The following NCKAP5L variants were observed in gnomAD, a reference collection of about 807,000 sequenced individuals.
The protein encoded by NCKAP5L is NCK associated protein 5 like, also known as nck-associated protein 5-like.
NCKAP5L carries 54 observed loss-of-function variants against 103.2 expected under a neutral mutation model. That is an observed-to-expected ratio of 0.52 (90% CI 0.42 to 0.66). The LOEUF is 0.66. Among genes scored for constraint, NCKAP5L ranks in the 30% least tolerant of loss-of-function variants. The pLI, the probability that NCKAP5L is intolerant of heterozygous loss-of-function variation, is 0.00. For synonymous variants in NCKAP5L, 762 were observed against 748.6 expected, an observed-to-expected ratio of 1.02 and a Z score of -0.29; for missense variants, 1,733 against 1,750.6, an observed-to-expected ratio of 0.99 and a Z score of 0.18.
intron 2 of NCKAP5L, chr12:49,804,946 G>A (rs1286743823): frequency 1.3e-5 from 2 of 152,284 alleles, no homozygotes; most frequent in Non-Finnish European, 2.9e-5. Flanking sequence ...TGGGCCTCAG[G>A]CTCCTCCTGG....
chr12:49,822,778 C>T (rs1041166237), intron 1 of NCKAP5L, among the ~76,000 whole-genome samples: 7 of 151,960 alleles, frequency 4.6e-5, no homozygotes, highest in Non-Finnish European at 1.0e-4. Flanking sequence ...GAACTCCTGA[C>T]CTCAAGTGAT....
intron 9 of NCKAP5L, 36 bp from the exon 10 acceptor site, chr12:49,793,469 T>TC (rs1183507659): frequency 1.9e-6 from 3 of 1,593,238 alleles, no homozygotes; most frequent in Non-Finnish European, 1.7e-6. Context: ...AGTCCACTCC[T>TC]CCCCCCTCCA....
At chr12:49,806,971 T>C (rs1023497866) in intron 1 of NCKAP5L, among the ~76,000 whole-genome samples, 4 of 152,070 alleles carry the variant, frequency 2.6e-5, no homozygotes, top group African/African-American at 7.2e-5. Flanking sequence ...AGCTATGGGG[T>C]TGTTGTGGAG....
chr12:49,793,726 G>T lies in NCKAP5L; in HGVS notation c.3258+8C>A, dbSNP rs774048137. ...GCCGTCCACCCAGTCCCTACCCCAA[G>T]AACTTACCTTTCCAGGAGGTTTTCC... On this transcript the variant is annotated splice_region_variant and intron_variant, in intron 9 of 12. Coordinates refer to ENST00000335999, the MANE Select transcript of NCKAP5L (RefSeq NM_001037806.4). 5 of 1,545,892 alleles carry T rather than the reference G, an allele frequency of 3.2e-6. No homozygotes were observed. The highest frequency in any genetic ancestry group is 4.4e-6 in the Non-Finnish European group (5 of 1,145,874).
At chr12:49,809,391 T>C (rs747467923) in intron 1 of NCKAP5L, among the ~76,000 whole-genome samples, 3 of 152,102 alleles carry the variant, frequency 2.0e-5, no homozygotes, top group Non-Finnish European at 4.4e-5. Context: ...CCCCGGCCCT[T>C]AGCCAAGGCC....
chr12:49,809,832 C>G (rs1252888378), intron 1 of NCKAP5L, among the ~76,000 whole-genome samples: 1 of 152,118 alleles, frequency 6.6e-6, no homozygotes, highest in Non-Finnish European at 1.5e-5. Flanking sequence ...GTCTCCTCCC[C>G]ATTCAGGGTA....
chr12:49,824,909 G>T (rs1314577314), intron 1 of NCKAP5L, among the ~76,000 whole-genome samples: 1 of 152,224 alleles, frequency 6.6e-6, no homozygotes, highest in African/African-American at 2.4e-5. Flanking sequence ...GGAGGGTCCT[G>T]CGATAACACT....
At chr12:49,803,293 G>A (rs1592753186) in intron 3 of NCKAP5L, 128 bp from the exon 4 acceptor site, 1 of 851,058 alleles carries the variant, frequency 1.2e-6, no homozygotes, top group East Asian at 2.6e-5. Flanking sequence ...TCCAGCTCTT[G>A]GCTGTGAGCA....
chr12:49,801,529 A>G (rs1946117656), intron 6 of NCKAP5L, among the ~76,000 whole-genome samples: 1 of 152,178 alleles, frequency 6.6e-6, no homozygotes, highest in Non-Finnish European at 1.5e-5. Flanking sequence ...GGCCAAGAAG[A>G]GGCTGTGTCA....
chr12:49,802,908 T>C (rs1946135797), intron 5 of NCKAP5L, 50 bp downstream of exon 5: 1 of 1,574,034 alleles, frequency 6.4e-7, no homozygotes, highest in African/African-American at 1.4e-5. Flanking sequence ...CCAGGAAGGG[T>C]CTCATCTGCT....
intron 1 of NCKAP5L, among the ~76,000 whole-genome samples, chr12:49,809,784 T>C (rs908532737): frequency 1.3e-5 from 2 of 152,112 alleles, no homozygotes; most frequent in African/African-American, 4.8e-5. Context: ...ACTTAATCCC[T>C]GACCCAAAGC....
At position 49,793,400 on chromosome 12, in the gene NCKAP5L, G is replaced by C. The variant is rs189737256; in HGVS notation, c.3292C>G (p.Pro1098Ala). Residue 1098 changes from proline (P) to alanine (A), a missense_variant, in exon 10 of 13, where the codon CCC becomes GCC. Coordinates refer to ENST00000335999, the MANE Select transcript of NCKAP5L (RefSeq NM_001037806.4). ...GGCTCGGCCAGGCTGTCCTCCGAGG[G>C]CATCTCTTCCCGCCTCCCTGGCTCG... Reference protein sequence around the residue: ...SSEPGRREEMPSEDSLAEPVP... With the variant: ...SSEPGRREEMASEDSLAEPVP... 51 of 1,609,014 alleles carry C rather than the reference G, an allele frequency of 3.2e-5. No individual in the cohort carries two copies. In the Middle Eastern group the frequency reaches 6.6e-4, roughly 21 times the overall value.
rs183140845 is a variant in NCKAP5L, at chr12:49,812,705, T to C, written c.-98-6664A>G. ...TCCATTCCTTTGTATGGGTGAACAGTGCTCCACTGTATGGGCCAGCCACAG... is the reference window on the plus strand; with the variant it reads ...TCCATTCCTTTGTATGGGTGAACAGCGCTCCACTGTATGGGCCAGCCACAG... On this transcript the variant is annotated intron_variant, in intron 1 of 12. Coordinates refer to ENST00000335999, the MANE Select transcript of NCKAP5L (RefSeq NM_001037806.4). Among the ~76,000 whole-genome samples the C allele has an allele frequency of 2.7e-3, 416 of 152,338 alleles. 2 individuals are homozygous for C. The highest frequency in any genetic ancestry group is 9.5e-3 in the African/African-American group (393 of 41,580).
In NCKAP5L at chr12:49,797,150, G is replaced by A; in HGVS notation, c.710C>T (p.Pro237Leu). Residue 237 changes from proline to leucine, a missense_variant, in exon 8 of 13, where the codon CCC (proline) becomes CTC (leucine). Pro to Leu is a moderately conservative substitution (Grantham distance 98). Transcript: ENST00000335999. The surrounding 1 kb of genome is among the most constrained non-coding windows in gnomAD (Gnocchi z 4.5). ...CAGCAGGCAGGGCGCCCAGGGTGAG[G>A]GTTCAGGCTGAGGCGGGCCACACAG... The part of the protein sequence containing the change: ...GELCGPPQPE[P>L]SPWAPCLLLG... The A allele has an allele frequency of 6.2e-7, 1 of 1,609,388 alleles. No individual in the cohort carries two copies. Among genetic ancestry groups the A allele is most frequent in the East Asian group, 2.2e-5 (1 of 44,762 alleles).
rs781443433 is a variant in NCKAP5L, at chr12:49,797,286, C to G, written c.574G>C (p.Glu192Gln). 2 of 1,613,538 alleles carry G rather than the reference C, an allele frequency of 1.2e-6. No individual in the cohort carries two copies. The highest frequency in any genetic ancestry group is 1.1e-5 in the South Asian group (1 of 91,070). Residue 192 changes from glutamate to glutamine, a missense_variant, in exon 8 of 13, where the codon GAG becomes CAG. Glu to Gln is a conservative substitution (Grantham distance 29). Transcript: ENST00000335999. This position sits in a 1 kb window ranked among gnomAD's most constrained non-coding sequence, Gnocchi z 4.5. ...GTCTCTTCCAGGGCTCTCAGCACCT[C>G]CAGAATCTGGGCCTTCTTCCGAAGG... Reference protein sequence around the residue: ...PFLRKKAQILEVLRALEETDP... With the variant: ...PFLRKKAQILQVLRALEETDP...
Position 49,794,784 on chromosome 12 carries a change from TGAA to T in NCKAP5L, c.3073_3075del (p.Phe1025del). The stretch of plus-strand genomic sequence containing the variant: ...CCTCACCTGTTTAGCAGCTGCTGCA[TGAA>T]GGTGTCTGCACCTTGGTACATGCCA... On this transcript the variant is annotated inframe_deletion, in exon 8 of 13. Transcript: ENST00000335999. 1.3e-6 allele frequency: 2 copies of T among 1,534,368 alleles called. No individual in the cohort carries two copies. Among genetic ancestry groups the T allele is most frequent in the Non-Finnish European group, 1.8e-6 (2 of 1,139,530 alleles).
At chr12:49,824,514 C>A (rs565049225) in intron 1 of NCKAP5L, among the ~76,000 whole-genome samples, 2 of 152,240 alleles carry the variant, frequency 1.3e-5, no homozygotes, top group African/African-American at 4.8e-5. Context: ...GCCGTAGAAA[C>A]CTGCAGAGGA....
At position 49,792,232 on chromosome 12, in the gene NCKAP5L, T is replaced by G; in HGVS notation, c.3793-181A>C. ...TACAACTGAGAACAGTCCTACAAGG[T>G]TCTGGGGAGGGACAGAAACCTTTCC... On this transcript the variant is annotated intron_variant, in intron 12 of 12. Coordinates refer to ENST00000335999, the MANE Select transcript of NCKAP5L (RefSeq NM_001037806.4). This position sits in a 1 kb window ranked among gnomAD's most constrained non-coding sequence, Gnocchi z 4.5. 1 of 1,131,140 alleles carries G rather than the reference T, an allele frequency of 8.8e-7. No homozygotes were observed. The highest frequency in any genetic ancestry group is 1.3e-6 in the Non-Finnish European group (1 of 779,810). 70.1% of individuals were successfully genotyped at this position (1,131,140 alleles called of 1,614,324 possible).
intron 6 of NCKAP5L, 103 bp downstream of exon 6, chr12:49,801,745 T>A: frequency 8.5e-6 from 12 of 1,416,596 alleles, no homozygotes; most frequent in Non-Finnish European, 1.1e-5. Flanking sequence ...GGACAGCTGA[T>A]GGCCTGCTTC....
Sources: gnomAD v4.1 joint callset for allele counts (sites outside exome capture counted in the v4.1 genomes callset) on GRCh38, gnomAD v4.1.1 for gene constraint, Gnocchi (gnomAD v3.1) non-coding constraint, MANE v1.5 for transcripts, NCBI Gene and HGNC (gene_info 2026-07-23, HGNC 2026-07-21) for gene names.